L3MBTL4: variants seen among roughly 807,000 people sequenced by gnomAD.
The protein encoded by L3MBTL4 is lethal(3)malignant brain tumor-like protein 4.
Under a neutral mutation model 84.5 loss-of-function variants are expected in L3MBTL4, and 70 were observed. The ratio of observed to expected loss-of-function variants is 0.83; its 90% CI spans 0.68 to 1.01. The LOEUF (loss-of-function observed/expected upper bound fraction) is 1.01. Among genes scored for constraint, L3MBTL4 ranks in the 50% least tolerant of loss-of-function variants. L3MBTL4 has a pLI of 0.00. For missense variants in L3MBTL4, 715 were observed against 754.8 expected (o/e 0.95, Z 0.62); for synonymous variants, 274 against 259.8 (o/e 1.05, Z -0.52).
intron 1 of L3MBTL4, among the ~76,000 whole-genome samples, chr18:6,339,271 AAAAGTTTAATTATAGTCACTC>A (rs2052493205): frequency 6.6e-6 from 1 of 152,250 alleles, no homozygotes; most frequent in African/African-American, 2.4e-5. Flanking sequence ...CAGACTTCAA[AAAAGTTTAATTATAGTCACTC>A]AAAAAATATT....
intron 13 of L3MBTL4, among the ~76,000 whole-genome samples, chr18:6,155,813 G>T (rs1387612995): frequency 6.6e-6 from 1 of 151,922 alleles, no homozygotes; most frequent in African/African-American, 2.4e-5. Context: ...AATGCAGAGT[G>T]AAATGAAAAA....
intron 16 of L3MBTL4, among the ~76,000 whole-genome samples, chr18:6,026,734 AGGGG>A (rs2055524326): frequency 6.6e-6 from 1 of 152,214 alleles, no homozygotes; most frequent in African/African-American, 2.4e-5. Flanking sequence ...TACAAACATA[AGGGG>A]TTGAATATTG....
At chr18:6,075,330 C>T (rs2057821635) in intron 16 of L3MBTL4, among the ~76,000 whole-genome samples, 1 of 151,922 alleles carries the variant, frequency 6.6e-6, no homozygotes, top group Admixed American at 6.6e-5. Flanking sequence ...CAAGAATAGC[C>T]AAGTAAACCA....
At chr18:6,370,556 G>A (rs956494874) in intron 1 of L3MBTL4, among the ~76,000 whole-genome samples, 9 of 152,340 alleles carry the variant, frequency 5.9e-5, no homozygotes, top group African/African-American at 1.9e-4. Context: ...CAGCACACAT[G>A]AGGGTACAGC....
chr18:6,387,793 T>G (rs2054884899), intron 1 of L3MBTL4, among the ~76,000 whole-genome samples: 1 of 152,134 alleles, frequency 6.6e-6, no homozygotes, highest in African/African-American at 2.4e-5. Flanking sequence ...TCGTGATGAG[T>G]AGGGAGCCAA....
intron 16 of L3MBTL4, among the ~76,000 whole-genome samples, chr18:6,063,617 A>AT (rs2057308198): frequency 1.3e-5 from 2 of 151,244 alleles, no homozygotes; most frequent in African/African-American, 4.9e-5. Flanking sequence ...GATATTGAGC[A>AT]TTTTTTCATA....
At chr18:6,333,244 G>A (rs1413458627) in intron 1 of L3MBTL4, among the ~76,000 whole-genome samples, 1 of 152,096 alleles carries the variant, frequency 6.6e-6, no homozygotes, top group Non-Finnish European at 1.5e-5. Flanking sequence ...AAATGAAGAA[G>A]CAAAAAGAGG....
chr18:6,350,286 G>A (rs760402012), intron 1 of L3MBTL4, among the ~76,000 whole-genome samples: 1 of 152,074 alleles, frequency 6.6e-6, no homozygotes, highest in Non-Finnish European at 1.5e-5. Context: ...GTGCATAAGA[G>A]AACAATACCA....
chr18:6,097,864 C>T (rs1203333141), intron 14 of L3MBTL4, among the ~76,000 whole-genome samples: 1 of 152,186 alleles, frequency 6.6e-6, no homozygotes, highest in Non-Finnish European at 1.5e-5. Context: ...CATGACACGA[C>T]TTCTGCCTCT....
At chr18:6,323,233 G>C (rs916885876) in intron 1 of L3MBTL4, among the ~76,000 whole-genome samples, 2 of 152,148 alleles carry the variant, frequency 1.3e-5, no homozygotes, top group Non-Finnish European at 1.5e-5. Flanking sequence ...AGCAATGCAA[G>C]AATGAACTAA....
chr18:6,320,935 G>T (rs965656909), intron 1 of L3MBTL4, among the ~76,000 whole-genome samples: 1 of 151,750 alleles, frequency 6.6e-6, no homozygotes, highest in Non-Finnish European at 1.5e-5. Context: ...CAGAAATAAA[G>T]CCAAATACTT....
intron 1 of L3MBTL4, among the ~76,000 whole-genome samples, chr18:6,389,320 A>T (rs1427848005): frequency 7.3e-6 from 1 of 136,334 alleles, no homozygotes; most frequent in Non-Finnish European, 1.6e-5. Context: ...ACAAAAGCTC[A>T]ATCTACACCA....
intron 3 of L3MBTL4, among the ~76,000 whole-genome samples, chr18:6,310,708 A>G (rs1449204571): frequency 6.6e-6 from 1 of 152,166 alleles, no homozygotes. Context: ...AATAATCACC[A>G]TGGAGGTCTT....
chr18:6,260,202 T>C (rs751543263), intron 5 of L3MBTL4: 27 of 152,246 alleles, frequency 1.8e-4, no homozygotes, highest in Non-Finnish European at 3.5e-4. Context: ...CCTTGCAGTA[T>C]AGTCTGAAGT....
chr18:6,211,412 T>A (rs569888422), intron 12 of L3MBTL4, among the ~76,000 whole-genome samples: 1 of 152,112 alleles, frequency 6.6e-6, no homozygotes, highest in Admixed American at 6.5e-5. Context: ...AAAAGAAAAT[T>A]AGAGAATAAC....
intron 14 of L3MBTL4, among the ~76,000 whole-genome samples, chr18:6,127,412 A>C (rs1457474651): frequency 6.6e-6 from 1 of 152,240 alleles, no homozygotes; most frequent in African/African-American, 2.4e-5. Context: ...CCAGTTCTAC[A>C]TGATGAACAT....
chr18:6,011,000 G>A (rs1014477416), intron 16 of L3MBTL4, among the ~76,000 whole-genome samples: 1 of 152,216 alleles, frequency 6.6e-6, no homozygotes, highest in African/African-American at 2.4e-5. Flanking sequence ...ATCTGCTAAT[G>A]TTGGTCTCCT....
chr18:6,269,310 A>G, intron 4 of L3MBTL4, among the ~76,000 whole-genome samples: 1 of 152,016 alleles, frequency 6.6e-6, no homozygotes, highest in East Asian at 1.9e-4. Context: ...ACAAAAAATT[A>G]GCCAGGAATG....
At chr18:6,091,007 C>T (rs1398030953) in intron 15 of L3MBTL4, among the ~76,000 whole-genome samples, 1 of 151,936 alleles carries the variant, frequency 6.6e-6, no homozygotes, top group Non-Finnish European at 1.5e-5. Context: ...TGGACAGCAG[C>T]CAAGTAAAAG....
Sources: allele counts gnomAD v4.1 joint callset (sites outside exome capture counted in the v4.1 genomes callset), GRCh38; gene constraint gnomAD v4.1.1; transcripts MANE v1.5; gene names NCBI Gene and HGNC (gene_info 2026-07-23, HGNC 2026-07-21).